ITGBL1: variants seen among roughly 807,000 people sequenced by gnomAD.
ITGBL1 encodes the protein integrin subunit beta like 1.
ITGBL1 carries 51 observed loss-of-function variants against 68.5 expected under a neutral mutation model. The ratio of observed to expected loss-of-function variants is 0.74; its 90% CI spans 0.59 to 0.94. ITGBL1 has a LOEUF of 0.94. Ranked by LOEUF, ITGBL1 falls within the 40% of genes least tolerant of loss-of-function variation. The pLI, the probability that ITGBL1 is intolerant of heterozygous loss-of-function variation, is 0.00. For synonymous variants in ITGBL1, 209 were observed against 227.3 expected, an observed-to-expected ratio of 0.92 and a Z score of 0.72; for missense variants, 649 against 647.4, an observed-to-expected ratio of 1.00 and a Z score of -0.03.
At chr13:101,629,195 A>C (rs1376076900) in intron 7 of ITGBL1, among the ~76,000 whole-genome samples, 1 of 152,090 alleles carries the variant, frequency 6.6e-6, no homozygotes, top group African/African-American at 2.4e-5. Flanking sequence ...TTTGAGTCAG[A>C]TTTGTCACTT....
At chr13:101,478,691 A>G (rs9582492) in intron 2 of ITGBL1, among the ~76,000 whole-genome samples, 28,833 of 152,006 alleles carry the variant, frequency 0.19, 3,315 homozygotes, top group African/African-American at 0.32. Context: ...ACAGCAAACA[A>G]TTTGAAAAAG....
At chr13:101,493,562 A>G (rs941645090) in intron 2 of ITGBL1, among the ~76,000 whole-genome samples, 3 of 152,104 alleles carry the variant, frequency 2.0e-5, no homozygotes, top group Non-Finnish European at 2.9e-5. Flanking sequence ...CTTCAGCTGC[A>G]TGACAACTCT....
chr13:101,713,296 C>T (rs189894043), intron 9 of ITGBL1: 30 of 152,314 alleles, frequency 2.0e-4, no homozygotes, highest in Middle Eastern at 3.4e-3. Context: ...GCTGTTAACT[C>T]ATTTTTAATC....
chr13:101,521,118 C>T (rs1018568819), intron 2 of ITGBL1, among the ~76,000 whole-genome samples: 2 of 152,108 alleles, frequency 1.3e-5, no homozygotes, highest in African/African-American at 2.4e-5. Flanking sequence ...TGGGTCGATT[C>T]GAAAGAACAG....
At chr13:101,531,145 G>A (rs571813875) in intron 2 of ITGBL1, among the ~76,000 whole-genome samples, 1 of 152,138 alleles carries the variant, frequency 6.6e-6, no homozygotes, top group Non-Finnish European at 1.5e-5. Context: ...TATATATTTA[G>A]TTGTAACTGT....
At chr13:101,624,499 G>C (rs2031703393) in intron 7 of ITGBL1, among the ~76,000 whole-genome samples, 1 of 152,216 alleles carries the variant, frequency 6.6e-6, no homozygotes, top group Admixed American at 6.5e-5. Context: ...TCAGGATACA[G>C]ATTGACCTGG....
intron 7 of ITGBL1, among the ~76,000 whole-genome samples, chr13:101,674,681 A>G (rs1000212680): frequency 1.3e-5 from 2 of 151,938 alleles, no homozygotes; most frequent in Non-Finnish European, 1.5e-5. Flanking sequence ...GACTAAATCT[A>G]CTTATATAAA....
At chr13:101,535,665 A>G (rs2049561177) in intron 2 of ITGBL1, among the ~76,000 whole-genome samples, 1 of 152,144 alleles carries the variant, frequency 6.6e-6, no homozygotes, top group African/African-American at 2.4e-5. Flanking sequence ...TGTTGAAGCT[A>G]ATTGACATAA....
At chr13:101,710,518 G>A (rs1375379104) in intron 9 of ITGBL1, among the ~76,000 whole-genome samples, 1 of 152,166 alleles carries the variant, frequency 6.6e-6, no homozygotes, top group Non-Finnish European at 1.5e-5. Flanking sequence ...TTAACATGGT[G>A]ATGGAAAAGA....
chr13:101,598,272 A>G lies in ITGBL1; in HGVS notation c.988A>G (p.Ser330Gly). ...AEESIRKCQG[S>G]SDLPCSGRGK... ...GGAGAGCATCAGGAAGTGCCAGGGA[A>G]GCTCGGATCTGCCTTGCTCTGGGAG... Residue 330 changes from serine to glycine, a missense_variant, in exon 7 of 11, where the codon AGC (serine) becomes GGC (glycine). Coordinates refer to ENST00000376180, the MANE Select transcript of ITGBL1 (RefSeq NM_004791.3). 2 of 1,613,064 alleles carry G rather than the reference A, an allele frequency of 1.2e-6. No homozygotes were observed. Among genetic ancestry groups the G allele is most frequent in the Non-Finnish European group, 1.7e-6 (2 of 1,179,624 alleles).
intron 2 of ITGBL1, among the ~76,000 whole-genome samples, chr13:101,484,161 C>G (rs9582495): frequency 0.066 from 10,079 of 151,938 alleles, 506 homozygotes; most frequent in East Asian, 0.28. Flanking sequence ...AACATTTTAG[C>G]TAATTTTTCC....
intron 2 of ITGBL1, among the ~76,000 whole-genome samples, chr13:101,522,064 A>G (rs1316792382): frequency 6.6e-6 from 1 of 151,922 alleles, no homozygotes; most frequent in Non-Finnish European, 1.5e-5. Context: ...AGAGAAGAGA[A>G]AGAGATTGAG....
intron 7 of ITGBL1, among the ~76,000 whole-genome samples, chr13:101,632,459 G>A (rs1227416868): frequency 6.6e-6 from 1 of 152,178 alleles, no homozygotes; most frequent in Non-Finnish European, 1.5e-5. Flanking sequence ...GCTGTTGGGA[G>A]TATAAAATGG....
intron 7 of ITGBL1, among the ~76,000 whole-genome samples, chr13:101,630,279 A>G (rs140643867): frequency 1.3e-3 from 205 of 152,344 alleles, no homozygotes; most frequent in African/African-American, 4.7e-3. Flanking sequence ...TTGTCATTCA[A>G]TATTTATTTT....
chr13:101,637,978 T>C (rs2032232926), intron 7 of ITGBL1, among the ~76,000 whole-genome samples: 1 of 152,202 alleles, frequency 6.6e-6, no homozygotes, highest in African/African-American at 2.4e-5. Context: ...AGTAATACTC[T>C]ACTTGAAAGG....
At chr13:101,636,361 A>G (rs1365464498) in intron 7 of ITGBL1, among the ~76,000 whole-genome samples, 5 of 152,228 alleles carry the variant, frequency 3.3e-5, no homozygotes, top group African/African-American at 1.2e-4. Context: ...AGTTACCTTA[A>G]TTTATCATTT....
At chr13:101,552,912 T>C (rs1437003713) in intron 2 of ITGBL1, among the ~76,000 whole-genome samples, 1 of 152,210 alleles carries the variant, frequency 6.6e-6, no homozygotes, top group Non-Finnish European at 1.5e-5. Flanking sequence ...AGTAAAAATG[T>C]TCTCTCTGTC....
intron 2 of ITGBL1, among the ~76,000 whole-genome samples, chr13:101,480,682 A>C (rs1350629126): frequency 6.6e-6 from 1 of 152,038 alleles, no homozygotes; most frequent in Non-Finnish European, 1.5e-5. Context: ...AAGAATAAAA[A>C]AATAAATTCA....
At chr13:101,499,335 T>C (rs1164347986) in intron 2 of ITGBL1, among the ~76,000 whole-genome samples, 1 of 152,242 alleles carries the variant, frequency 6.6e-6, no homozygotes, top group East Asian at 1.9e-4. Flanking sequence ...TTTTCTTTAA[T>C]TCTGTCAACC....
Sources: allele counts gnomAD v4.1 joint callset (sites outside exome capture counted in the v4.1 genomes callset), GRCh38; gene constraint gnomAD v4.1.1; transcripts MANE v1.5; gene names NCBI Gene and HGNC (gene_info 2026-07-23, HGNC 2026-07-21).